The following CHIA variants were observed in gnomAD, a reference collection of about 807,000 sequenced individuals.
The protein encoded by CHIA is chitinase acidic.
In CHIA, 47 loss-of-function variants were observed where a neutral mutation model predicts 53.5. That is an observed-to-expected ratio of 0.88 (90% confidence interval 0.70 to 1.12). CHIA has a LOEUF of 1.12. Among genes scored for constraint, CHIA ranks in the 50% most tolerant of loss-of-function variants. CHIA has a pLI of 0.00. For missense variants in CHIA, 652 were observed against 592.2 expected, an observed-to-expected ratio of 1.10 and a Z score of -1.05; for synonymous variants, 268 against 222.2, an observed-to-expected ratio of 1.21 and a Z score of -1.83.
chr1:111,319,032 T>C, intron 9 of CHIA, 88 bp from the exon 10 acceptor site: 2 of 1,500,330 alleles, frequency 1.3e-6, no homozygotes, highest in East Asian at 4.7e-5. Flanking sequence ...AAACCCCAAC[T>C]GGAGACATGA....
intron 1 of CHIA, among the ~76,000 whole-genome samples, chr1:111,308,359 A>G (rs1019796635): frequency 2.0e-5 from 3 of 152,208 alleles, no homozygotes; most frequent in African/African-American, 7.2e-5. Flanking sequence ...GCTCAACTGT[A>G]TTCTCTTGAC....
In CHIA at chr1:111,317,665, C is replaced by G. The variant is rs1282211257; in HGVS notation, c.481-16C>G. 1.9e-6 allele frequency: 3 copies of G among 1,613,950 alleles called. No individual in the cohort carries two copies. On this transcript the variant is annotated splice_polypyrimidine_tract_variant and intron_variant, in intron 6 of 11. Coordinates refer to ENST00000369740, the MANE Select transcript of CHIA (RefSeq NM_201653.4). ...TCAGCATCATAGATGTCCTATTATG[C>G]CTTATTATTCTGTAGGAAATGCGTG... is the stretch of plus-strand genomic sequence containing the variant.
chr1:111,291,247 A>T (rs1475718083), intron 1 of CHIA, among the ~76,000 whole-genome samples: 1 of 152,194 alleles, frequency 6.6e-6, no homozygotes, highest in Non-Finnish European at 1.5e-5. Context: ...AATAGCAAAG[A>T]CATGGAACCA....
At chr1:111,308,367 G>C (rs965124110) in intron 1 of CHIA, among the ~76,000 whole-genome samples, 3 of 152,140 alleles carry the variant, frequency 2.0e-5, no homozygotes, top group Non-Finnish European at 4.4e-5. Context: ...GTATTCTCTT[G>C]ACTACCTTGG....
chr1:111,315,753 G>C (rs1375050887), intron 6 of CHIA: 2 of 469,102 alleles, frequency 4.3e-6, no homozygotes, highest in South Asian at 3.1e-5. Flanking sequence ...CTAAAGTACA[G>C]AGAGGATTTA....
At chr1:111,315,193 G>C (rs1354895968) in intron 5 of CHIA, 77 bp from the exon 6 acceptor site, 1 of 1,082,004 alleles carries the variant, frequency 9.2e-7, no homozygotes, top group South Asian at 1.4e-5. Flanking sequence ...CTCTGAGGCA[G>C]GAATTGAGAG....
At chr1:111,299,644 CA>C (rs1647536501) in intron 1 of CHIA, among the ~76,000 whole-genome samples, 1 of 152,142 alleles carries the variant, frequency 6.6e-6, no homozygotes, top group African/African-American at 2.4e-5. Flanking sequence ...ACTGAATGGG[CA>C]AAAACTGGAA....
At chr1:111,296,579 C>T (rs1402994779) in intron 1 of CHIA, among the ~76,000 whole-genome samples, 1 of 152,164 alleles carries the variant, frequency 6.6e-6, no homozygotes, top group Non-Finnish European at 1.5e-5. Flanking sequence ...TCACCAACAT[C>T]AAAGACCAAA....
chr1:111,316,106 C>G (rs766109593), intron 6 of CHIA: 7 of 273,204 alleles, frequency 2.6e-5, no homozygotes, highest in Non-Finnish European at 5.1e-5. Flanking sequence ...GATGCTTGGG[C>G]TCAGTCTTGA....
Position 111,318,049 on chromosome 1 carries a change from A to T in CHIA, c.669A>T (p.Gly223=), listed in dbSNP as rs572268695. ...DLHGSWEGYT[G]ENSPLYKYPT... ...ATGGCTCCTGGGAGGGCTACACTGG[A>T]GAGAACAGCCCCCTCTACAAATACC... Residue 223 remains glycine, a synonymous_variant, in exon 8 of 12, where the codon GGA becomes GGT. Coordinates refer to ENST00000369740, the MANE Select transcript of CHIA (RefSeq NM_201653.4). 3.1e-6 allele frequency: 5 copies of T among 1,614,022 alleles called. No homozygotes were observed. The highest frequency in any genetic ancestry group is 3.3e-5 in the Admixed American group (2 of 60,020).
At chr1:111,300,505 G>A (rs558761861) in intron 1 of CHIA, among the ~76,000 whole-genome samples, 1 of 152,178 alleles carries the variant, frequency 6.6e-6, no homozygotes, top group Admixed American at 6.5e-5. Flanking sequence ...TTAAAAAATG[G>A]TGCTGGGATA....
chr1:111,310,527 A>G (rs1284016570), intron 2 of CHIA, 35 bp downstream of exon 2: 1 of 1,613,890 alleles, frequency 6.2e-7, no homozygotes, highest in Non-Finnish European at 8.5e-7. Context: ...CCTTCATCTT[A>G]TCTAGTTTCT....
At chr1:111,299,534 A>C (rs1647522687) in intron 1 of CHIA, among the ~76,000 whole-genome samples, 1 of 152,230 alleles carries the variant, frequency 6.6e-6, no homozygotes, top group Non-Finnish European at 1.5e-5. Context: ...CACAAAATTC[A>C]ACAGCCCTTC....
intron 5 of CHIA, 63 bp downstream of exon 5, chr1:111,314,659 T>C: frequency 8.7e-7 from 1 of 1,150,588 alleles, no homozygotes; most frequent in Admixed American, 1.7e-5. Context: ...CCCCATGTGA[T>C]CACTGTCCCT....
At chr1:111,313,269 A>C (rs1182247233) in intron 4 of CHIA, among the ~76,000 whole-genome samples, 2 of 152,218 alleles carry the variant, frequency 1.3e-5, no homozygotes, top group African/African-American at 4.8e-5. Context: ...CATTCCCACC[A>C]ACAGTGGGCA....
chr1:111,296,336 G>C (rs933154420), intron 1 of CHIA, among the ~76,000 whole-genome samples: 2 of 152,110 alleles, frequency 1.3e-5, no homozygotes, highest in African/African-American at 4.8e-5. Context: ...CATACAGGTG[G>C]GACGAAGCTT....
At chr1:111,317,050 C>A (rs1649217093) in intron 6 of CHIA, 1 of 152,278 alleles carries the variant, frequency 6.6e-6, no homozygotes, top group Non-Finnish European at 1.5e-5. Flanking sequence ...TTCTCTTATT[C>A]CAGTTAAATA....
intron 1 of CHIA, among the ~76,000 whole-genome samples, chr1:111,298,679 T>A (rs1378208904): frequency 3.3e-5 from 5 of 151,894 alleles, no homozygotes; most frequent in Non-Finnish European, 7.4e-5. Context: ...TTAAAAGAAC[T>A]AGAGAAGCAA....
At chr1:111,293,411 T>C (rs1661144881) in intron 1 of CHIA, among the ~76,000 whole-genome samples, 1 of 151,996 alleles carries the variant, frequency 6.6e-6, no homozygotes, top group Admixed American at 6.5e-5. Flanking sequence ...AAGTCCTTTG[T>C]CCATTTTGAA....
Sources: allele counts gnomAD v4.1 joint callset (sites outside exome capture counted in the v4.1 genomes callset), GRCh38; gene constraint gnomAD v4.1.1; transcripts MANE v1.5; gene names NCBI Gene and HGNC (gene_info 2026-07-23, HGNC 2026-07-21).